Variants in NAALADL2 observed in about 807,000 individuals in gnomAD.
NAALADL2 encodes the protein N-acetylated alpha-linked acidic dipeptidase like 2, also known as inactive N-acetylated-alpha-linked acidic dipeptidase-like protein 2.
NAALADL2 carries 76 observed loss-of-function variants against 87.2 expected under a neutral mutation model. The ratio of observed to expected loss-of-function variants is 0.87; its 90% CI spans 0.72 to 1.05. NAALADL2 has a LOEUF of 1.05. NAALADL2 is among the 50% of genes least tolerant of loss of function. The pLI is 0.00. For missense variants in NAALADL2, 1,089 were observed against 945.8 expected (o/e 1.15, Z -1.99); for synonymous variants, 354 against 331.0 (o/e 1.07, Z -0.75).
chr3:174,787,584 T>TGTATATATACACAC, intron 3 of NAALADL2, among the ~76,000 whole-genome samples: 1 of 59,174 alleles, frequency 1.7e-5, no homozygotes, highest in Middle Eastern at 0.01. Flanking sequence ...ATCATATATA[T>TGTATATATACACAC]ATATATATAT....
At chr3:174,966,975 G>T (rs1487193176) in intron 1 of NAALADL2, among the ~76,000 whole-genome samples, 1 of 152,050 alleles carries the variant, frequency 6.6e-6, no homozygotes, top group African/African-American at 2.4e-5. Context: ...GAAAGTATAG[G>T]AAAAAGCTTC....
At chr3:175,017,178 TC>T (rs1456204766) in intron 1 of NAALADL2, among the ~76,000 whole-genome samples, 1 of 150,832 alleles carries the variant, frequency 6.6e-6, no homozygotes, top group East Asian at 1.9e-4. Flanking sequence ...CTTTTTTTTT[TC>T]CCTCACATTG....
At chr3:175,774,754 A>C (rs866410842) in intron 13 of NAALADL2, among the ~76,000 whole-genome samples, 82 of 152,050 alleles carry the variant, frequency 5.4e-4, no homozygotes, top group African/African-American at 1.9e-3. Flanking sequence ...GTTAAGTATA[A>C]AGTGTGCATT....
chr3:174,560,425 C>G (rs889098066), intron 2 of NAALADL2, among the ~76,000 whole-genome samples: 2 of 152,076 alleles, frequency 1.3e-5, no homozygotes, highest in Non-Finnish European at 2.9e-5. Flanking sequence ...AAAGTAGAGC[C>G]TAAAAAGAAT....
intron 2 of NAALADL2, among the ~76,000 whole-genome samples, chr3:175,210,058 C>T (rs185366829): frequency 1.3e-4 from 19 of 151,534 alleles, no homozygotes; most frequent in South Asian, 2.1e-4. Flanking sequence ...AATTGCAATA[C>T]GCATAACAGA....
intron 1 of NAALADL2, among the ~76,000 whole-genome samples, chr3:174,988,669 T>C (rs920286243): frequency 6.6e-6 from 1 of 152,186 alleles, no homozygotes; most frequent in African/African-American, 2.4e-5. Flanking sequence ...TAGTAGTTTC[T>C]TGGCTTGTGA....
At chr3:175,414,174 C>T (rs1714150809) in intron 5 of NAALADL2, among the ~76,000 whole-genome samples, 1 of 152,176 alleles carries the variant, frequency 6.6e-6, no homozygotes. Flanking sequence ...AACAGTATGC[C>T]TGGCTCATAG....
chr3:175,300,111 C>T (rs1351547869), intron 4 of NAALADL2, among the ~76,000 whole-genome samples: 3 of 152,170 alleles, frequency 2.0e-5, no homozygotes, highest in African/African-American at 7.2e-5. Flanking sequence ...ATATGCTGAA[C>T]CAGCCTTGCA....
At chr3:174,776,603 T>C (rs1478128844) in intron 3 of NAALADL2, among the ~76,000 whole-genome samples, 1 of 152,160 alleles carries the variant, frequency 6.6e-6, no homozygotes, top group Non-Finnish European at 1.5e-5. Flanking sequence ...GAAAACTACA[T>C]ATTCATAATT....
At chr3:175,092,787 T>C (rs959918786) in intron 1 of NAALADL2, among the ~76,000 whole-genome samples, 1 of 151,910 alleles carries the variant, frequency 6.6e-6, no homozygotes, top group Non-Finnish European at 1.5e-5. Context: ...GATAAATGTC[T>C]TAGTATGTTG....
At chr3:175,210,738 T>C (rs868091399) in intron 2 of NAALADL2, among the ~76,000 whole-genome samples, 1 of 151,594 alleles carries the variant, frequency 6.6e-6, no homozygotes, top group Admixed American at 6.6e-5. Context: ...TCTACAAAAT[T>C]GAGTAATAAA....
At chr3:175,779,830 T>A (rs1283705700) in intron 13 of NAALADL2, among the ~76,000 whole-genome samples, 1 of 152,202 alleles carries the variant, frequency 6.6e-6, no homozygotes, top group African/African-American at 2.4e-5. Flanking sequence ...CCTTTGTTTC[T>A]TAGGACAGAA....
chr3:174,988,414 AT>A (rs1211510660), intron 1 of NAALADL2, among the ~76,000 whole-genome samples: 2 of 152,222 alleles, frequency 1.3e-5, no homozygotes, highest in African/African-American at 4.8e-5. Context: ...TGTAATATAG[AT>A]GTCATAATCC....
chr3:175,074,544 C>T (rs965214277), intron 1 of NAALADL2, among the ~76,000 whole-genome samples: 19 of 151,776 alleles, frequency 1.3e-4, no homozygotes, highest in African/African-American at 4.4e-4. Context: ...TGGAGTACAT[C>T]GAGTATTATT....
intron 9 of NAALADL2, among the ~76,000 whole-genome samples, chr3:175,548,704 A>G (rs894944640): frequency 6.6e-6 from 1 of 152,040 alleles, no homozygotes; most frequent in Non-Finnish European, 1.5e-5. Context: ...AGTGCTAGAA[A>G]ATGGAGATTG....
chr3:174,451,289 C>T (rs1715462850), intron 1 of NAALADL2, among the ~76,000 whole-genome samples: 1 of 152,088 alleles, frequency 6.6e-6, no homozygotes, highest in Admixed American at 6.5e-5. Flanking sequence ...CCGATTCTTT[C>T]CTGGAATGGA....
intron 5 of NAALADL2, among the ~76,000 whole-genome samples, chr3:175,364,228 G>T (rs1302990656): frequency 6.8e-6 from 1 of 147,612 alleles, no homozygotes; most frequent in African/African-American, 2.5e-5. Flanking sequence ...ATATATAAAG[G>T]GTCCTAACTC....
chr3:175,098,767 G>T (rs948214918), intron 2 of NAALADL2, among the ~76,000 whole-genome samples: 3 of 152,014 alleles, frequency 2.0e-5, no homozygotes, highest in Non-Finnish European at 2.9e-5. Context: ...GAAAATAGAA[G>T]AACTCTTTAA....
At chr3:174,916,486 G>A (rs2108327242) in intron 1 of NAALADL2, among the ~76,000 whole-genome samples, 1 of 152,200 alleles carries the variant, frequency 6.6e-6, no homozygotes, top group East Asian at 1.9e-4. Context: ...TGACCAATGA[G>A]TGGATATGGA....
Sources: allele counts gnomAD v4.1 joint callset (sites outside exome capture counted in the v4.1 genomes callset), GRCh38; gene constraint gnomAD v4.1.1; transcripts MANE v1.5; gene names NCBI Gene and HGNC (gene_info 2026-07-23, HGNC 2026-07-21).